The following CCSER2 variants were observed in gnomAD, a reference collection of about 807,000 sequenced individuals.
CCSER2 encodes serine-rich coiled-coil domain-containing protein 2.
Under a neutral mutation model 92.3 loss-of-function variants are expected in CCSER2, and 46 were observed. That is an observed-to-expected ratio of 0.50 (90% CI 0.39 to 0.64). The LOEUF is 0.64. Ranked by LOEUF, CCSER2 falls within the 30% of genes least tolerant of loss-of-function variation. The pLI is 0.00. For synonymous variants in CCSER2, 433 were observed against 431.4 expected (o/e 1.00, Z -0.04); for missense variants, 1,244 against 1,238.9 (o/e 1.00, Z -0.06).
At chr10:84,511,715 C>G (rs953871025) in intron 9 of CCSER2, among the ~76,000 whole-genome samples, 4 of 152,100 alleles carry the variant, frequency 2.6e-5, no homozygotes, top group Non-Finnish European at 4.4e-5. Flanking sequence ...TTAATATGGT[C>G]CTGCTCTATT....
At chr10:84,447,846 G>A (rs911426188) in intron 6 of CCSER2, among the ~76,000 whole-genome samples, 3 of 152,090 alleles carry the variant, frequency 2.0e-5, no homozygotes, top group Non-Finnish European at 4.4e-5. Context: ...GTGTTGCTGT[G>A]TCACCCAGGC....
intron 3 of CCSER2, among the ~76,000 whole-genome samples, chr10:84,392,657 C>A (rs1841592298): frequency 6.6e-6 from 1 of 151,794 alleles, no homozygotes; most frequent in East Asian, 1.9e-4. Context: ...TTGGAAGTTA[C>A]AATTTAAGGT....
intron 3 of CCSER2, among the ~76,000 whole-genome samples, chr10:84,396,219 GTA>G (rs1491286537): frequency 6.3e-5 from 9 of 143,084 alleles, no homozygotes; most frequent in Non-Finnish European, 9.1e-5. Context: ...GTGTGTGTGT[GTA>G]TAAGGATTAT....
In CCSER2 at chr10:84,372,204, T is replaced by C; in HGVS notation, c.1152T>C (p.Asp384=). 1.9e-6 allele frequency: 3 copies of C among 1,613,598 alleles called. No homozygotes were observed. Among genetic ancestry groups the C allele is most frequent in the Non-Finnish European group, 2.5e-6 (3 of 1,179,766 alleles). ...RTKNNQTMKH[D]AKMRYLSDDV... ...AAAACAACCAGACCATGAAACATGA[T>C]GCTAAAATGAGATACCTGAGTGATG... Residue 384 remains aspartate, a synonymous_variant, in exon 2 of 10, where the codon GAT becomes GAC. Transcript: ENST00000372088.
intron 1 of CCSER2, among the ~76,000 whole-genome samples, chr10:84,351,874 G>T: frequency 6.6e-6 from 1 of 152,176 alleles, no homozygotes; most frequent in Non-Finnish European, 1.5e-5. Flanking sequence ...AGTGGCTGCT[G>T]TATTGACAGG....
intron 8 of CCSER2, among the ~76,000 whole-genome samples, chr10:84,471,077 T>A (rs996070105): frequency 6.6e-6 from 1 of 152,026 alleles, no homozygotes; most frequent in Non-Finnish European, 1.5e-5. Flanking sequence ...ATCACAACAC[T>A]CAAAAGGAAA....
intron 6 of CCSER2, among the ~76,000 whole-genome samples, chr10:84,449,608 A>G (rs1013109967): frequency 3.3e-5 from 5 of 152,148 alleles, no homozygotes; most frequent in African/African-American, 1.2e-4. Flanking sequence ...TAATCCCAGC[A>G]CTTTGGGAGG....
chr10:84,446,388 C>T (rs934505634), intron 6 of CCSER2, among the ~76,000 whole-genome samples: 2 of 152,108 alleles, frequency 1.3e-5, no homozygotes, highest in African/African-American at 4.8e-5. Flanking sequence ...ATTTTTCCCT[C>T]ACATAATTCT....
chr10:84,478,974 G>GTT (rs1015056873), intron 9 of CCSER2, among the ~76,000 whole-genome samples: 4 of 152,202 alleles, frequency 2.6e-5, no homozygotes, highest in Admixed American at 2.6e-4. Context: ...CTAGATGGAA[G>GTT]TTTGGGCTTT....
At chr10:84,343,983 G>C (rs1844343063) in intron 1 of CCSER2, among the ~76,000 whole-genome samples, 1 of 152,204 alleles carries the variant, frequency 6.6e-6, no homozygotes, top group African/African-American at 2.4e-5. Flanking sequence ...CCCAGGAGAA[G>C]CTCCTGATAT....
At chr10:84,436,485 A>T (rs538425781) in intron 5 of CCSER2, among the ~76,000 whole-genome samples, 1 of 151,458 alleles carries the variant, frequency 6.6e-6, no homozygotes, top group Non-Finnish European at 1.5e-5. Flanking sequence ...AATACAAAAA[A>T]TTAGCCCGGC....
intron 6 of CCSER2, among the ~76,000 whole-genome samples, chr10:84,463,724 G>A (rs1277014384): frequency 1.3e-5 from 2 of 152,106 alleles, no homozygotes; most frequent in East Asian, 1.9e-4. Context: ...TATTCTTGCC[G>A]TAGCTCCCTT....
rs1846092795 is a variant in CCSER2, at chr10:84,372,092, G to A, written c.1040G>A (p.Cys347Tyr). Residue 347 changes from cysteine to tyrosine, a missense_variant, in exon 2 of 10, where the codon TGT becomes TAT. By Grantham distance (194) the Cys-to-Tyr change is radical. Transcript: ENST00000372088. ...AATAAAAATTCACCTGCTGACACAT[G>A]TGTAGAGGAAGATGCTACAGTTTTG... ...DGNKNSPADT[C>Y]VEEDATVLAK... 4 of 1,613,764 alleles carry A rather than the reference G, an allele frequency of 2.5e-6. No individual in the cohort carries two copies. Among genetic ancestry groups the A allele is most frequent in the Non-Finnish European group, 3.4e-6 (4 of 1,179,808 alleles).
At chr10:84,403,232 GGTAAAACAAA>G (rs1842211874) in intron 3 of CCSER2, among the ~76,000 whole-genome samples, 3 of 152,128 alleles carry the variant, frequency 2.0e-5, no homozygotes, top group African/African-American at 4.8e-5. Context: ...GATATCCATA[GGTAAAACAAA>G]GTAAAACAAA....
chr10:84,469,408 A>T (rs1046026115), intron 7 of CCSER2, among the ~76,000 whole-genome samples: 1 of 152,002 alleles, frequency 6.6e-6, no homozygotes, highest in African/African-American at 2.4e-5. Context: ...AATCTTCCAC[A>T]TTGTTTGGGA....
At chr10:84,486,411 TC>T (rs1418666202) in intron 9 of CCSER2, among the ~76,000 whole-genome samples, 2 of 152,200 alleles carry the variant, frequency 1.3e-5, no homozygotes, top group African/African-American at 4.8e-5. Flanking sequence ...ACCTGTTGTT[TC>T]CTGACTTTTT....
chr10:84,430,594 G>T (rs1156565928), intron 5 of CCSER2, among the ~76,000 whole-genome samples: 1 of 152,104 alleles, frequency 6.6e-6, no homozygotes, highest in Non-Finnish European at 1.5e-5. Flanking sequence ...GTGCTTTTTG[G>T]AGAGTTCTAA....
In CCSER2 at chr10:84,425,773, A is replaced by G; in HGVS notation, c.1748A>G (p.Asn583Ser). ...NMNRFDRPDRNVRQPQEGFWK... is the reference protein window; with the variant it reads ...NMNRFDRPDRSVRQPQEGFWK... ...AACCGCTTTGACCGACCAGACAGAA[A>G]TGTTCGGCAGCCTCAGGAAGGTTTT... Residue 583 changes from asparagine to serine, a missense_variant, in exon 5 of 10, where the codon AAT becomes AGT. By Grantham distance (46) the Asn-to-Ser change is conservative. Transcript: ENST00000372088. 1 of 1,613,660 alleles carries G rather than the reference A, an allele frequency of 6.2e-7. No individual in the cohort carries two copies. The highest frequency in any genetic ancestry group is 8.5e-7 in the Non-Finnish European group (1 of 1,179,744).
Position 84,424,746 on chromosome 10 carries a change from C to T in CCSER2, c.1706-985C>T, listed in dbSNP as rs370837044. Among the ~76,000 whole-genome samples the T allele has an allele frequency of 1.2e-4, 18 of 151,992 alleles. No homozygotes were observed. In the South Asian group the frequency reaches 1.5e-3, roughly 12 times the overall value. ...TCTGAACATGCAGGACTTGAACTTT[C>T]TCATGTAGTAGTTCTCAGACTAGAG... On this transcript the variant is annotated intron_variant, in intron 4 of 9. Coordinates refer to ENST00000372088, the MANE Select transcript of CCSER2 (RefSeq NM_001284240.2).
Sources: gnomAD v4.1 joint callset for allele counts (sites outside exome capture counted in the v4.1 genomes callset) on GRCh38, gnomAD v4.1.1 for gene constraint, MANE v1.5 for transcripts, NCBI Gene and HGNC (gene_info 2026-07-23, HGNC 2026-07-21) for gene names.